SHISA9: variants seen among roughly 807,000 people sequenced by gnomAD.
SHISA9 encodes protein shisa-9.
A neutral mutation model predicts 38.0 loss-of-function variants in SHISA9; 13 were observed. The ratio of observed to expected loss-of-function variants is 0.34; its 90% confidence interval spans 0.22 to 0.54. The LOEUF (loss-of-function observed/expected upper bound fraction) is 0.54. Ranked by LOEUF, SHISA9 falls within the 20% of genes least tolerant of loss-of-function variation. The probability of loss-of-function intolerance (pLI) is 0.91; values close to 1 mark genes in which losing one functional copy is unlikely to be tolerated. For missense variants in SHISA9, 538 were observed against 575.8 expected, an observed-to-expected ratio of 0.93 and a Z score of 0.67; for synonymous variants, 275 against 242.0, an observed-to-expected ratio of 1.14 and a Z score of -1.27.
At chr16:13,191,201 C>G (rs1412647448) in intron 2 of SHISA9, among the ~76,000 whole-genome samples, 1 of 152,240 alleles carries the variant, frequency 6.6e-6, no homozygotes, top group African/African-American at 2.4e-5. Flanking sequence ...AAAGCCAGAG[C>G]TCTGTTCTGA....
intron 2 of SHISA9, among the ~76,000 whole-genome samples, chr16:13,196,073 G>A (rs1196353418): frequency 6.0e-5 from 6 of 99,588 alleles, no homozygotes; most frequent in Non-Finnish European, 1.1e-4. Flanking sequence ...GGGGGACAGA[G>A]CAAGACTCTC....
intron 2 of SHISA9, among the ~76,000 whole-genome samples, chr16:13,016,307 G>A (rs565523171): frequency 6.6e-6 from 1 of 152,140 alleles, no homozygotes; most frequent in East Asian, 2.0e-4. Context: ...AGCCTCTGAC[G>A]GCTTCAACAT....
the SHISA9 span, among the ~76,000 whole-genome samples, chr16:13,469,320 G>GAAAAAGAAAGAA: frequency 1.6e-5 from 1 of 61,572 alleles, no homozygotes; most frequent in African/African-American, 7.8e-5. Flanking sequence ...GAGAGAGAGA[G>GAAAAAGAAAGAA]AGAAAGAAAG....
the SHISA9 span, among the ~76,000 whole-genome samples, chr16:13,405,996 TTAAAC>T: frequency 6.8e-6 from 1 of 147,936 alleles, no homozygotes; most frequent in African/African-American, 2.5e-5. Flanking sequence ...TGGAACCTAA[TTAAAC>T]TAAAGAAAAA....
rs554300336 is a variant in SHISA9 at position 13,062,296 on chromosome 16, T to G, written c.692-141098T>G. ...TGGCTGTAGTGATCACCTGACTCCG[T>G]GCACACTGGGAAGACAGCAGAGGTG... On this transcript the variant is annotated intron_variant, in intron 2 of 4. Transcript: ENST00000558583. Among the ~76,000 whole-genome samples, 9 of 152,284 alleles carry G rather than the reference T, an allele frequency of 5.9e-5. No individual in the cohort carries two copies. In the South Asian group the frequency reaches 1.2e-3, roughly 21 times the overall value.
chr16:13,166,098 C>T (rs2050633252), intron 2 of SHISA9, among the ~76,000 whole-genome samples: 1 of 152,190 alleles, frequency 6.6e-6, no homozygotes, highest in Admixed American at 6.5e-5. Context: ...TAGATGGTCT[C>T]TTTGATCTCA....
At chr16:13,466,712 CA>C in the SHISA9 span, among the ~76,000 whole-genome samples, 1 of 152,148 alleles carries the variant, frequency 6.6e-6, no homozygotes, top group Non-Finnish European at 1.5e-5. Flanking sequence ...ATATGTTAAG[CA>C]AATATCTTTA....
At chr16:13,518,518 C>T in the SHISA9 span, among the ~76,000 whole-genome samples, 1 of 152,112 alleles carries the variant, frequency 6.6e-6, no homozygotes, top group Non-Finnish European at 1.5e-5. Context: ...GCACTTCATC[C>T]CAGAGAGTTT....
chr16:13,156,550 T>C (rs2050548881), intron 2 of SHISA9, among the ~76,000 whole-genome samples: 1 of 151,940 alleles, frequency 6.6e-6, no homozygotes, highest in South Asian at 2.1e-4. Flanking sequence ...TTGGCTAACA[T>C]GGTGAAACCC....
chr16:13,111,820 G>A lies in SHISA9; in HGVS notation c.692-91574G>A, dbSNP rs190886317. Among the ~76,000 whole-genome samples the A allele has an allele frequency of 6.0e-4, 92 of 152,306 alleles. 2 individuals carry two copies. Among genetic ancestry groups the A allele is most frequent in the Admixed American group, 5.4e-3 (82 of 15,296 alleles). ...GTGGCAGAATTGTGTTTAAAGGAGG[G>A]TAGGAGACTATGATTGTTCCTGGAT... On this transcript the variant is annotated intron_variant, in intron 2 of 4. Transcript: ENST00000558583.
chr16:13,344,084 CAG>C, the SHISA9 span, among the ~76,000 whole-genome samples: 1 of 152,180 alleles, frequency 6.6e-6, no homozygotes, highest in African/African-American at 2.4e-5. Flanking sequence ...GGTCTGTTGG[CAG>C]AGACAAATGA....
At chr16:13,206,726 G>T (rs377439625) in intron 3 of SHISA9, among the ~76,000 whole-genome samples, 8 of 152,326 alleles carry the variant, frequency 5.3e-5, no homozygotes, top group African/African-American at 1.9e-4. Flanking sequence ...AAGACCCTAC[G>T]TACTGGTTAC....
Position 12,928,178 on chromosome 16 carries a change from T to A in SHISA9, c.691+11363T>A, listed in dbSNP as rs112575002. ...GTCCTTACTTTTTCTTATCTTATAT[T>A]TTTTTTTTGCCCCTAATCAGTTGGA... On this transcript the variant is annotated intron_variant, in intron 2 of 4. Transcript: ENST00000558583. 4.1e-3 allele frequency among the ~76,000 whole-genome samples: 27 copies of A among 6,568 alleles called. 1 individual carries two copies. Among genetic ancestry groups the A allele is most frequent in the East Asian group, 0.026 (1 of 38 alleles). 4.3% of individuals were successfully genotyped at this position (6,568 alleles called of 152,430 possible). A position where few individuals can be genotyped will look rare whatever the true frequency, so the allele number is the denominator to read the frequency against.
chr16:13,184,613 T>C (rs535519582), intron 2 of SHISA9, among the ~76,000 whole-genome samples: 1 of 152,248 alleles, frequency 6.6e-6, no homozygotes, highest in Non-Finnish European at 1.5e-5. Context: ...TCCGTTGTTC[T>C]GCACTTTTAT....
the SHISA9 span, among the ~76,000 whole-genome samples, chr16:13,511,001 G>A: frequency 6.6e-6 from 1 of 152,190 alleles, no homozygotes; most frequent in African/African-American, 2.4e-5. Flanking sequence ...CCAGGCACAG[G>A]TAACTAGAGA....
chr16:12,960,743 C>G (rs953570651), intron 2 of SHISA9, among the ~76,000 whole-genome samples: 1 of 152,122 alleles, frequency 6.6e-6, no homozygotes, highest in Non-Finnish European at 1.5e-5. Flanking sequence ...CATCTCCTCC[C>G]CTCACCTGTC....
chr16:13,421,107 A>G, the SHISA9 span, among the ~76,000 whole-genome samples: 1 of 152,198 alleles, frequency 6.6e-6, no homozygotes, highest in Non-Finnish European at 1.5e-5. Flanking sequence ...CCTTCAATAA[A>G]AATATGCAGT....
chr16:13,080,857 C>A (rs769076888), intron 2 of SHISA9, among the ~76,000 whole-genome samples: 3 of 152,146 alleles, frequency 2.0e-5, no homozygotes, highest in African/African-American at 7.2e-5. Context: ...ACTGGGAAGT[C>A]GAAGGACGAA....
the SHISA9 span, among the ~76,000 whole-genome samples, chr16:13,341,325 A>G: frequency 4.6e-5 from 7 of 152,182 alleles, no homozygotes; most frequent in Non-Finnish European, 2.9e-5. Flanking sequence ...TGCAGATTCA[A>G]TAAAAGACCC....
Sources: gnomAD v4.1 joint callset for allele counts (sites outside exome capture counted in the v4.1 genomes callset) on GRCh38, gnomAD v4.1.1 for gene constraint, MANE v1.5 for transcripts, NCBI Gene and HGNC (gene_info 2026-07-23, HGNC 2026-07-21) for gene names.